PKN2: variants seen among roughly 807,000 people sequenced by gnomAD.
The protein encoded by PKN2 is serine/threonine-protein kinase N2.
Under a neutral mutation model 119.1 loss-of-function variants are expected in PKN2, and 38 were observed. That is an observed-to-expected ratio of 0.32 (90% CI 0.25 to 0.42). PKN2 has a LOEUF of 0.42. Among genes scored for constraint, PKN2 ranks in the 10% least tolerant of loss-of-function variants. The pLI, the probability that PKN2 is intolerant of heterozygous loss-of-function variation, is 1.00. For synonymous variants in PKN2, 390 were observed against 384.9 expected, an observed-to-expected ratio of 1.01 and a Z score of -0.15; for missense variants, 850 against 1,165.1, an observed-to-expected ratio of 0.73 and a Z score of 3.94.
chr1:88,733,177 C>A (rs1369528736), intron 1 of PKN2, among the ~76,000 whole-genome samples: 1 of 152,130 alleles, frequency 6.6e-6, no homozygotes. Flanking sequence ...GTAAAACATA[C>A]TGATTTCATT....
At position 88,804,839 on chromosome 1, in the gene PKN2, A is replaced by T; in HGVS notation, c.1426-7A>T. On this transcript the variant is annotated splice_region_variant and splice_polypyrimidine_tract_variant and intron_variant, in intron 9 of 21. Transcript: ENST00000370521. ...TTTCATGTCAACTTGAATTTTCTTCACTGCAGGTTACCTTTTTTAATCCAG... is the reference window on the plus strand; with the variant it reads ...TTTCATGTCAACTTGAATTTTCTTCTCTGCAGGTTACCTTTTTTAATCCAG... 1 of 1,484,316 alleles carries T rather than the reference A, an allele frequency of 6.7e-7. No individual in the cohort carries two copies. The highest frequency in any genetic ancestry group is 9.2e-7 in the Non-Finnish European group (1 of 1,083,076). The allele number at this position is 1,484,316 out of a possible 1,614,324, so 91.9% of individuals were successfully genotyped here. A position where few individuals can be genotyped will look rare whatever the true frequency, so the allele number is the denominator to read the frequency against.
At chr1:88,693,137 C>G (rs2100649893) in intron 1 of PKN2, among the ~76,000 whole-genome samples, 1 of 152,192 alleles carries the variant, frequency 6.6e-6, no homozygotes, top group East Asian at 1.9e-4. Context: ...CAATTCCATA[C>G]CTCTCTGTTG....
intron 3 of PKN2, among the ~76,000 whole-genome samples, chr1:88,765,143 G>T (rs1440673815): frequency 6.6e-6 from 1 of 151,996 alleles, no homozygotes; most frequent in Non-Finnish European, 1.5e-5. Flanking sequence ...TGGCCAGGCT[G>T]GTCTTGAGCT....
At chr1:88,738,502 G>A (rs545365116) in intron 1 of PKN2, among the ~76,000 whole-genome samples, 1 of 152,340 alleles carries the variant, frequency 6.6e-6, no homozygotes, top group South Asian at 2.1e-4. Flanking sequence ...CAAGAGAGAT[G>A]ATTTCTTGAA....
intron 8 of PKN2, among the ~76,000 whole-genome samples, chr1:88,801,423 T>G (rs779540583): frequency 1.3e-5 from 2 of 152,040 alleles, no homozygotes; most frequent in Non-Finnish European, 2.9e-5. Flanking sequence ...TGGTAAACAT[T>G]AGTGACATCT....
At chr1:88,714,064 T>G (rs987349685) in intron 1 of PKN2, among the ~76,000 whole-genome samples, 1 of 152,206 alleles carries the variant, frequency 6.6e-6, no homozygotes, top group Non-Finnish European at 1.5e-5. Context: ...CTTGTTTCTG[T>G]CTGGTTTGTC....
At chr1:88,773,493 T>C (rs1465143588) in intron 6 of PKN2, among the ~76,000 whole-genome samples, 1 of 152,042 alleles carries the variant, frequency 6.6e-6, no homozygotes, top group Non-Finnish European at 1.5e-5. Flanking sequence ...GACAGGGTTT[T>C]ACCATGATGG....
intron 8 of PKN2, among the ~76,000 whole-genome samples, chr1:88,794,126 G>A (rs1394904217): frequency 2.0e-5 from 3 of 152,156 alleles, no homozygotes; most frequent in African/African-American, 7.2e-5. Flanking sequence ...CCAGCACTTT[G>A]GGAGGCTGAG....
intron 1 of PKN2, among the ~76,000 whole-genome samples, chr1:88,705,418 G>T (rs953813308): frequency 2.2e-4 from 34 of 151,966 alleles, no homozygotes; most frequent in African/African-American, 8.2e-4. Context: ...TTCTTGGCTG[G>T]GCACGGTGGT....
At chr1:88,805,809 A>G in intron 11 of PKN2, 82 bp from the exon 12 acceptor site, 2 of 1,607,846 alleles carry the variant, frequency 1.2e-6, no homozygotes, top group South Asian at 1.1e-5. Flanking sequence ...CTTAAAAAGT[A>G]AATTGTTTGC....
At chr1:88,703,810 G>T (rs1666865305) in intron 1 of PKN2, among the ~76,000 whole-genome samples, 1 of 152,068 alleles carries the variant, frequency 6.6e-6, no homozygotes, top group Non-Finnish European at 1.5e-5. Flanking sequence ...ACCCAGAGAG[G>T]TTTAAGTGAT....
chr1:88,753,705 C>G (rs888161788), intron 2 of PKN2, among the ~76,000 whole-genome samples: 3 of 151,640 alleles, frequency 2.0e-5, no homozygotes, highest in African/African-American at 7.3e-5. Context: ...GGGCTACACA[C>G]TTTTAAACAA....
At chr1:88,743,902 T>C (rs1056418630) in intron 2 of PKN2, among the ~76,000 whole-genome samples, 4 of 149,350 alleles carry the variant, frequency 2.7e-5, no homozygotes, top group African/African-American at 1.0e-4. Context: ...TTCAGATAAT[T>C]GGAGGGCAGA....
At chr1:88,739,337 A>C (rs1488753999) in intron 1 of PKN2, among the ~76,000 whole-genome samples, 5 of 152,128 alleles carry the variant, frequency 3.3e-5, no homozygotes, top group Non-Finnish European at 7.3e-5. Context: ...TATAGAAATC[A>C]ACTACTTCAT....
chr1:88,810,012 A>G (rs1232687698), intron 15 of PKN2, among the ~76,000 whole-genome samples: 1 of 152,212 alleles, frequency 6.6e-6, no homozygotes, highest in Non-Finnish European at 1.5e-5. Context: ...GAGAAATAAA[A>G]CACACTTTTA....
At chr1:88,829,387 C>A in intron 19 of PKN2, 1 of 376,088 alleles carries the variant, frequency 2.7e-6, no homozygotes, top group Non-Finnish European at 5.2e-6. Flanking sequence ...TGCTATAGAA[C>A]TGCTGATGGC....
At chr1:88,717,514 A>G (rs1055974437) in intron 1 of PKN2, among the ~76,000 whole-genome samples, 1 of 151,534 alleles carries the variant, frequency 6.6e-6, no homozygotes, top group Non-Finnish European at 1.5e-5. Context: ...TTTTTTCTCT[A>G]AACTTCTCTT....
intron 3 of PKN2, among the ~76,000 whole-genome samples, chr1:88,763,170 CAT>C (rs371690171): frequency 2.3e-3 from 356 of 152,288 alleles, no homozygotes; most frequent in African/African-American, 7.9e-3. Context: ...AGAGGTATAA[CAT>C]AACTGAAAGA....
At chr1:88,727,674 T>A (rs1254290646) in intron 1 of PKN2, among the ~76,000 whole-genome samples, 1 of 152,260 alleles carries the variant, frequency 6.6e-6, no homozygotes, top group Admixed American at 6.5e-5. Context: ...TTACAGTGTT[T>A]CTCCGTATAT....
Sources: gnomAD v4.1 joint callset for allele counts (sites outside exome capture counted in the v4.1 genomes callset) on GRCh38, gnomAD v4.1.1 for gene constraint, MANE v1.5 for transcripts, NCBI Gene and HGNC (gene_info 2026-07-23, HGNC 2026-07-21) for gene names.